Variants in TAF4 observed in about 807,000 individuals in gnomAD.
TAF4 encodes the protein TATA-box binding protein associated factor 4, also known as transcription initiation factor TFIID subunit 4.
A neutral mutation model predicts 90.3 loss-of-function variants in TAF4; 9 were observed. The ratio of observed to expected loss-of-function variants is 0.10; its 90% CI spans 0.06 to 0.17. The LOEUF (loss-of-function observed/expected upper bound fraction) is 0.17, where lower values mean the gene tolerates loss of function less well. Ranked by LOEUF, TAF4 falls within the 10% of genes least tolerant of loss-of-function variation. The pLI, the probability that TAF4 is intolerant of heterozygous loss-of-function variation, is 1.00. For missense variants in TAF4, 1,351 were observed against 1,370.7 expected, an observed-to-expected ratio of 0.99 and a Z score of 0.23; for synonymous variants, 818 against 638.9, an observed-to-expected ratio of 1.28 and a Z score of -4.23.
intron 1 of TAF4, among the ~76,000 whole-genome samples, chr20:62,024,506 C>T (rs1429184768): frequency 6.6e-6 from 1 of 152,226 alleles, no homozygotes; most frequent in African/African-American, 2.4e-5. Context: ...CGGACAGACT[C>T]TTTAGAAAGC....
At chr20:62,048,293 A>C (rs951638029) in intron 1 of TAF4, among the ~76,000 whole-genome samples, 2 of 152,136 alleles carry the variant, frequency 1.3e-5, no homozygotes, top group African/African-American at 4.8e-5. Flanking sequence ...CCAGCCCTGT[A>C]CTAGCTCCTC....
chr20:62,016,076 C>T (rs1388883111), intron 1 of TAF4, among the ~76,000 whole-genome samples: 2 of 152,188 alleles, frequency 1.3e-5, no homozygotes, highest in African/African-American at 4.8e-5. Context: ...GCTCCGTCTC[C>T]GAGTCTGTGC....
intron 1 of TAF4, among the ~76,000 whole-genome samples, chr20:62,022,865 C>T (rs571478803): frequency 2.9e-4 from 44 of 151,980 alleles, no homozygotes; most frequent in Middle Eastern, 3.4e-3. Flanking sequence ...CTTGCAGCCC[C>T]CCCCCCGCAC....
chr20:61,992,971 C>T (rs947739034), intron 14 of TAF4, among the ~76,000 whole-genome samples: 7 of 152,036 alleles, frequency 4.6e-5, no homozygotes, highest in African/African-American at 1.2e-4. Flanking sequence ...CACACTAAAA[C>T]GTAAAACTAC....
chr20:62,013,030 T>C lies in TAF4; in HGVS notation c.1522-96A>G, dbSNP rs2055788825. 2.0e-6 allele frequency: 3 copies of C among 1,515,304 alleles called. No homozygotes were observed. The Admixed American group carries it at 6.3e-5, about 32-fold the overall frequency. 93.9% of individuals were successfully genotyped at this position (1,515,304 alleles called of 1,614,324 possible). A position where few individuals can be genotyped will look rare whatever the true frequency, so the allele number is the denominator to read the frequency against. ...TTATTCCTTCCATATGTAACTAGTA[T>C]ATCCAAGTGGGTCCCAGGCTTATCC... On this transcript the variant is annotated intron_variant, in intron 2 of 14. Coordinates refer to ENST00000252996, the MANE Select transcript of TAF4 (RefSeq NM_003185.4).
chr20:62,006,875 C>G lies in TAF4; in HGVS notation c.1975-117G>C, dbSNP rs2055749696. 6.0e-6 allele frequency: 8 copies of G among 1,329,782 alleles called. No homozygotes were observed. Among genetic ancestry groups the G allele is most frequent in the Non-Finnish European group, 7.8e-6 (8 of 1,026,764 alleles). The allele number at this position is 1,329,782 out of a possible 1,614,324, so 82.4% of individuals were successfully genotyped here. A position where few individuals can be genotyped will look rare whatever the true frequency, so the allele number is the denominator to read the frequency against. On this transcript the variant is annotated intron_variant, in intron 6 of 14. Coordinates refer to ENST00000252996, the MANE Select transcript of TAF4 (RefSeq NM_003185.4). This position sits in a 1 kb window ranked among gnomAD's most constrained non-coding sequence, Gnocchi z 7.0. The stretch of plus-strand genomic sequence containing the variant: ...AGCTTTTGAGCTAAGTAAGATGGAT[C>G]TTGGCCCTCACGGCAGCATGTCTGG...
intron 1 of TAF4, among the ~76,000 whole-genome samples, chr20:62,050,781 C>T (rs1015367624): frequency 1.3e-5 from 2 of 152,106 alleles, no homozygotes; most frequent in Non-Finnish European, 2.9e-5. Flanking sequence ...CAGAAAGGAC[C>T]TCTGCCGAGG....
chr20:61,978,964 T>C (rs985157623), intron 14 of TAF4: 3 of 153,314 alleles, frequency 2.0e-5, no homozygotes, highest in African/African-American at 7.2e-5. Flanking sequence ...TTTCTCTACA[T>C]GGCACACTCC....
At chr20:62,011,044 GCT>G (rs1370715153) in intron 3 of TAF4, among the ~76,000 whole-genome samples, 2 of 152,156 alleles carry the variant, frequency 1.3e-5, no homozygotes, top group African/African-American at 2.4e-5. Flanking sequence ...GGAGCAGCGA[GCT>G]CTCTCCCGGT....
At chr20:62,001,981 C>A (rs951232928) in intron 9 of TAF4, among the ~76,000 whole-genome samples, 1 of 152,306 alleles carries the variant, frequency 6.6e-6, no homozygotes, top group East Asian at 1.9e-4. Context: ...TAGAAACTTA[C>A]GGCAAGACCC....
intron 5 of TAF4, 197 bp from the exon 6 acceptor site, chr20:62,007,833 A>G (rs962816939): frequency 2.0e-6 from 1 of 511,892 alleles, no homozygotes; most frequent in Non-Finnish European, 3.4e-6. Context: ...ACTGCAGTGC[A>G]GCCAGCTGCG....
intron 14 of TAF4, among the ~76,000 whole-genome samples, chr20:61,996,094 A>G (rs1254803988): frequency 6.6e-6 from 1 of 152,186 alleles, no homozygotes; most frequent in Non-Finnish European, 1.5e-5. Context: ...AATAAAGAAC[A>G]TCTCAAAACA....
rs1169369300 is a variant in TAF4 at position 62,062,492 on chromosome 20, G to A, written c.1360+1959C>T. ...AACTGCAGGAGGCCATGAAGAGATG[G>A]GGTAAATCTCTCACTTTTTTAGATA... On this transcript the variant is annotated intron_variant, in intron 1 of 14. Transcript: ENST00000252996. Among the ~76,000 whole-genome samples, 6 of 152,186 alleles carry A rather than the reference G, an allele frequency of 3.9e-5. No homozygotes were observed. The East Asian group carries it at 7.7e-4, about 20-fold the overall frequency.
chr20:61,977,471 C>A (rs2055503016), intron 14 of TAF4, among the ~76,000 whole-genome samples: 1 of 152,238 alleles, frequency 6.6e-6, no homozygotes, highest in Non-Finnish European at 1.5e-5. Context: ...TTGCTGTGAA[C>A]AGCCCTGACA....
chr20:62,042,560 C>CA, intron 1 of TAF4, among the ~76,000 whole-genome samples: 1 of 152,218 alleles, frequency 6.6e-6, no homozygotes, highest in African/African-American at 2.4e-5. Flanking sequence ...TACTGTGGGG[C>CA]GGGAGCCCAA....
intron 1 of TAF4, among the ~76,000 whole-genome samples, chr20:62,032,166 T>C (rs911356194): frequency 2.0e-5 from 3 of 152,340 alleles, no homozygotes; most frequent in East Asian, 1.9e-4. Flanking sequence ...ACCATTTGGA[T>C]GGTGCTTCCA....
intron 1 of TAF4, among the ~76,000 whole-genome samples, chr20:62,056,519 G>C (rs886592468): frequency 4.6e-5 from 7 of 152,026 alleles, no homozygotes; most frequent in African/African-American, 1.7e-4. Context: ...CACCTACAGG[G>C]GGCCACTTGT....
chr20:62,043,088 A>G (rs2055973271), intron 1 of TAF4, among the ~76,000 whole-genome samples: 1 of 152,214 alleles, frequency 6.6e-6, no homozygotes, highest in South Asian at 2.1e-4. Flanking sequence ...TCTGGAGGCT[A>G]AGACAGGCAG....
At chr20:62,008,999 G>T in intron 5 of TAF4, 53 bp downstream of exon 5, 1 of 1,592,054 alleles carries the variant, frequency 6.3e-7, no homozygotes. Flanking sequence ...ACAGGTGTCT[G>T]TCCTATGCAA....
Sources: gnomAD v4.1 joint callset for allele counts (sites outside exome capture counted in the v4.1 genomes callset) on GRCh38, gnomAD v4.1.1 for gene constraint, Gnocchi (gnomAD v3.1) non-coding constraint, MANE v1.5 for transcripts, NCBI Gene and HGNC (gene_info 2026-07-23, HGNC 2026-07-21) for gene names.